Variants in SORCS2 observed in about 807,000 individuals in gnomAD.
SORCS2 encodes VPS10 domain-containing receptor SorCS2.
A neutral mutation model predicts 141.6 loss-of-function variants in SORCS2; 100 were observed. That is an observed-to-expected ratio of 0.71 (90% CI 0.60 to 0.83). SORCS2 has a LOEUF of 0.83. SORCS2 is among the 40% of genes least tolerant of loss of function. The probability of loss-of-function intolerance (pLI) is 0.00; values close to 1 mark genes in which losing one functional copy is unlikely to be tolerated. For synonymous variants in SORCS2, 789 were observed against 676.9 expected, an observed-to-expected ratio of 1.17 and a Z score of -2.57; for missense variants, 1,646 against 1,560.2, an observed-to-expected ratio of 1.05 and a Z score of -0.93.
intron 1 of SORCS2, among the ~76,000 whole-genome samples, chr4:7,231,100 C>T: frequency 6.6e-6 from 1 of 152,226 alleles, no homozygotes; most frequent in East Asian, 1.9e-4. Flanking sequence ...TTATAAGGAA[C>T]TGGCTCACAT....
chr4:7,422,637 CCA>C (rs1231186474), intron 2 of SORCS2, among the ~76,000 whole-genome samples: 4 of 152,046 alleles, frequency 2.6e-5, no homozygotes, highest in African/African-American at 9.7e-5. Context: ...TCTCTCAGAC[CCA>C]CACACTCCTT....
At chr4:7,422,324 T>A (rs1669870023) in intron 2 of SORCS2, among the ~76,000 whole-genome samples, 2 of 152,176 alleles carry the variant, frequency 1.3e-5, no homozygotes, top group Admixed American at 1.3e-4. Flanking sequence ...TGGGGGAATG[T>A]GCTGCCCGGA....
chr4:7,276,108 T>A (rs1715483298), intron 1 of SORCS2, among the ~76,000 whole-genome samples: 1 of 152,200 alleles, frequency 6.6e-6, no homozygotes, highest in Non-Finnish European at 1.5e-5. Context: ...GAGCAGCCAC[T>A]GTTGCAAGTT....
At chr4:7,496,445 C>CTGT (rs1731625032) in intron 2 of SORCS2, among the ~76,000 whole-genome samples, 1 of 48,846 alleles carries the variant, frequency 2.0e-5, no homozygotes, top group African/African-American at 5.5e-5. Context: ...CCCCCACTCC[C>CTGT]CACCCGTTCC....
intron 5 of SORCS2, among the ~76,000 whole-genome samples, chr4:7,658,938 T>A (rs1420646807): frequency 6.6e-6 from 1 of 152,162 alleles, no homozygotes; most frequent in Non-Finnish European, 1.5e-5. Flanking sequence ...CAACGCTGAG[T>A]GGCCACTGAT....
intron 3 of SORCS2, among the ~76,000 whole-genome samples, chr4:7,636,651 G>A (rs1325659536): frequency 5.9e-5 from 9 of 152,088 alleles, no homozygotes; most frequent in Admixed American, 5.9e-4. Context: ...GGATAAGGGT[G>A]TCTCCTCCTA....
chr4:7,489,353 G>A lies in SORCS2; in HGVS notation c.549-42177G>A, dbSNP rs760605038. Among the ~76,000 whole-genome samples, 169 of 152,312 alleles carry A rather than the reference G, an allele frequency of 1.1e-3. 2 individuals are homozygous for A. Among genetic ancestry groups the A allele is most frequent in the Non-Finnish European group, 2.2e-4 (15 of 68,030 alleles). ...CTAATTTGTGGCTGCGTCGTCGCTG[G>A]TGCCTTCTTGAATTGATTTGCCGCT... On this transcript the variant is annotated intron_variant, in intron 2 of 26. Transcript: ENST00000507866.
chr4:7,520,721 C>A (rs985467001), intron 2 of SORCS2, among the ~76,000 whole-genome samples: 1 of 152,218 alleles, frequency 6.6e-6, no homozygotes, highest in African/African-American at 2.4e-5. Context: ...CCTCTGTTGC[C>A]GCCAGCCCTC....
chr4:7,429,767 G>A (rs1157639121), intron 2 of SORCS2, among the ~76,000 whole-genome samples: 2 of 152,234 alleles, frequency 1.3e-5, no homozygotes, highest in Non-Finnish European at 2.9e-5. Flanking sequence ...GGTCGCGGGT[G>A]TGAGGACAGA....
At chr4:7,484,172 T>A (rs919866932) in intron 2 of SORCS2, among the ~76,000 whole-genome samples, 2 of 152,198 alleles carry the variant, frequency 1.3e-5, no homozygotes, top group African/African-American at 4.8e-5. Flanking sequence ...CCCGGTAATC[T>A]ACTCTCAAAA....
chr4:7,276,254 A>C (rs1331258967), intron 1 of SORCS2, among the ~76,000 whole-genome samples: 1 of 152,070 alleles, frequency 6.6e-6, no homozygotes, highest in Non-Finnish European at 1.5e-5. Flanking sequence ...CTGAGATGTC[A>C]TGGGGCTTTG....
chr4:7,303,534 T>G (rs942998558), intron 1 of SORCS2, among the ~76,000 whole-genome samples: 11 of 152,214 alleles, frequency 7.2e-5, no homozygotes, highest in Non-Finnish European at 1.3e-4. Context: ...TTTCTTTCAG[T>G]GTTTTTATCT....
intron 1 of SORCS2, among the ~76,000 whole-genome samples, chr4:7,220,228 C>T (rs1163943909): frequency 6.6e-6 from 1 of 151,940 alleles, no homozygotes; most frequent in East Asian, 1.9e-4. Context: ...TAGTGAGGAG[C>T]TGTCCTCCTG....
At chr4:7,608,035 A>G (rs986569941) in intron 3 of SORCS2, among the ~76,000 whole-genome samples, 1 of 152,130 alleles carries the variant, frequency 6.6e-6, no homozygotes, top group Non-Finnish European at 1.5e-5. Context: ...ATGCCCTGCC[A>G]GGGCATGGCA....
intron 3 of SORCS2, among the ~76,000 whole-genome samples, chr4:7,555,550 C>T (rs143285002): frequency 2.4e-4 from 37 of 152,350 alleles, no homozygotes; most frequent in Non-Finnish European, 4.3e-4. Context: ...TCTTCATTTA[C>T]GCGTGCAACT....
At chr4:7,361,533 T>C (rs929543730) in intron 1 of SORCS2, among the ~76,000 whole-genome samples, 7 of 149,988 alleles carry the variant, frequency 4.7e-5, no homozygotes, top group South Asian at 2.1e-4. Context: ...CTGGACACCA[T>C]AATAGCAGCT....
intron 1 of SORCS2, among the ~76,000 whole-genome samples, chr4:7,246,631 G>T (rs967839885): frequency 1.3e-5 from 2 of 152,212 alleles, no homozygotes; most frequent in African/African-American, 2.4e-5. Flanking sequence ...TTCCCATGTT[G>T]CCTTGGGCCT....
rs551229018 is a variant in SORCS2 at position 7,321,667 on chromosome 4, G to C, written c.481-74621G>C. Among the ~76,000 whole-genome samples the C allele has an allele frequency of 1.7e-4, 26 of 152,340 alleles. No individual in the cohort carries two copies. The South Asian group carries it at 4.6e-3, about 27-fold the overall frequency. ...TGGGCACAAGACCAGGTGGGCTCCA[G>C]GCCTAAAGAGGGCTGGGCTGGGTGA... is the stretch of plus-strand genomic sequence containing the variant. On this transcript the variant is annotated intron_variant, in intron 1 of 26. Transcript: ENST00000507866.
At chr4:7,364,067 T>A (rs1392906930) in intron 1 of SORCS2, among the ~76,000 whole-genome samples, 1 of 151,536 alleles carries the variant, frequency 6.6e-6, no homozygotes, top group Non-Finnish European at 1.5e-5. Context: ...TGCCTCACCA[T>A]CATCATCACC....
Sources: gnomAD v4.1 joint callset for allele counts (sites outside exome capture counted in the v4.1 genomes callset) on GRCh38, gnomAD v4.1.1 for gene constraint, MANE v1.5 for transcripts, NCBI Gene and HGNC (gene_info 2026-07-23, HGNC 2026-07-21) for gene names.